SPTBN4: variants seen among roughly 807,000 people sequenced by gnomAD.
The protein encoded by SPTBN4 is spectrin beta chain, non-erythrocytic 4.
A neutral mutation model predicts 277.8 loss-of-function variants in SPTBN4; 96 were observed. That is an observed-to-expected ratio of 0.35 (90% CI 0.29 to 0.41). The LOEUF is 0.41. Among genes scored for constraint, SPTBN4 ranks in the 10% least tolerant of loss-of-function variants. SPTBN4 has a pLI of 1.00. For missense variants in SPTBN4, 3,006 were observed against 3,595.7 expected (o/e 0.84, Z 4.19); for synonymous variants, 1,481 against 1,580.3 (o/e 0.94, Z 1.49).
intron 21 of SPTBN4, among the ~76,000 whole-genome samples, 171 bp from the exon 22 acceptor site, chr19:40,550,067 T>C (rs541904103): frequency 2.2e-4 from 33 of 151,688 alleles, no homozygotes; most frequent in Non-Finnish European, 3.5e-4. Context: ...GCCTGGGGAT[T>C]CGATCCCATC....
chr19:40,575,436 C>A lies in SPTBN4; in HGVS notation c.7562C>A (p.Ala2521Asp), dbSNP rs1461233891. ...DEEEMNGWLE[A>D]VASSVAEHAE... is the part of the protein sequence containing the mutation. Reference sequence around the variant, plus strand: ...GAGGAGATGAACGGCTGGCTGGAGGCTGTAGCTTCCTCGGTGGCGGAACAC... The same window carrying A: ...GAGGAGATGAACGGCTGGCTGGAGGATGTAGCTTCCTCGGTGGCGGAACAC... The change falls in exon 36 of 36, where the codon GCT (alanine) becomes GAT (aspartate). Residue 2521 changes from alanine (A) to aspartate (D), a missense_variant. By Grantham distance (126) the Ala-to-Asp change is moderately radical (BLOSUM62 -2). Transcript: ENST00000598249. 1.9e-6 allele frequency: 3 copies of A among 1,613,374 alleles called. No individual in the cohort carries two copies. In the East Asian group the frequency reaches 6.7e-5, roughly 36 times the overall value.
chr19:40,521,632 C>T (rs570399917), intron 16 of SPTBN4, among the ~76,000 whole-genome samples: 1 of 152,310 alleles, frequency 6.6e-6, no homozygotes, highest in Admixed American at 6.5e-5. Flanking sequence ...GTAATGCTCA[C>T]TCGCCCCCCC....
At position 40,523,447 on chromosome 19, in the gene SPTBN4, T is replaced by C. The variant is rs751820789; in HGVS notation, c.3665T>C (p.Leu1222Pro). The change falls in exon 17 of 36, where the codon CTG (leucine) becomes CCG (proline). Residue 1222 changes from leucine to proline, a missense_variant. By Grantham distance (98) the Leu-to-Pro change is moderately conservative. Transcript: ENST00000598249. ...LVVLRNQEMA[L>P]SGAELPGTVE... The stretch of plus-strand genomic sequence containing the variant: ...CTCCCTCCTCCCCAGGAGATGGCGC[T>C]GTCTGGTGCGGAGCTCCCGGGCACA... The C allele has an allele frequency of 5.6e-6, 9 of 1,606,292 alleles. 1 individual carries two copies. The South Asian group carries it at 1.0e-4, about 18-fold the overall frequency.
At chr19:40,545,423 A>G (rs1184725277) in intron 20 of SPTBN4, among the ~76,000 whole-genome samples, 1 of 152,110 alleles carries the variant, frequency 6.6e-6, no homozygotes, top group Non-Finnish European at 1.5e-5. Context: ...TTATATTACT[A>G]GAAATGCAAG....
Position 40,490,120 on chromosome 19 carries a change from G to GT in SPTBN4, c.368dup (p.Asp124GlyfsTer21). ...CATGCGGATCCACTCACTGGAGAACGTGGACAAGGCGCTGCAGTTTCTGAA... is the reference window on the plus strand; with the variant it reads ...CATGCGGATCCACTCACTGGAGAACGTTGGACAAGGCGCTGCAGTTTCTGAA... On this transcript the variant is annotated frameshift_variant, in exon 4 of 36. Coordinates refer to ENST00000598249, the MANE Select transcript of SPTBN4 (RefSeq NM_020971.3). LOFTEE classifies it high-confidence loss of function. The surrounding 1 kb of genome is among the most constrained non-coding windows in gnomAD (Gnocchi z 4.3). 1 of 1,613,954 alleles carries GT rather than the reference G, an allele frequency of 6.2e-7. No individual in the cohort carries two copies. The highest frequency in any genetic ancestry group is 1.3e-5 in the African/African-American group (1 of 75,068).
At chr19:40,489,760 A>T (rs961965706) in intron 3 of SPTBN4, among the ~76,000 whole-genome samples, 1 of 148,096 alleles carries the variant, frequency 6.8e-6, no homozygotes, top group Non-Finnish European at 1.5e-5. Flanking sequence ...ACTATGGGCT[A>T]GGAGGGCGGG....
chr19:40,550,108 G>A, intron 21 of SPTBN4, 130 bp from the exon 22 acceptor site: 1 of 656,144 alleles, frequency 1.5e-6, no homozygotes, highest in Non-Finnish European at 2.6e-6. Flanking sequence ...AAAAATGGAG[G>A]AGGCTGAATA....
In SPTBN4 at chr19:40,529,053, C is replaced by G. The variant is rs1263100932; in HGVS notation, c.3870C>G (p.Asn1290Lys). ...VTRLLEKNQE[N>K]QLRAQQWMQK... ...TCCCCATCCCCAGGAACCAAGAAAACCAGTTACGGGCCCAGCAATGGATGC... is the reference window on the plus strand; with the variant it reads ...TCCCCATCCCCAGGAACCAAGAAAAGCAGTTACGGGCCCAGCAATGGATGC... The change falls in exon 18 of 36, where the codon AAC becomes AAG. Residue 1290 changes from asparagine to lysine, a missense_variant. Asn to Lys is a moderately conservative substitution (Grantham distance 94). Coordinates refer to ENST00000598249, the MANE Select transcript of SPTBN4 (RefSeq NM_020971.3). The G allele has an allele frequency of 1.9e-6, 3 of 1,614,018 alleles. No homozygotes were observed. The highest frequency in any genetic ancestry group is 1.3e-5 in the African/African-American group (1 of 75,060).
At chr19:40,522,359 T>C (rs2080537612) in intron 16 of SPTBN4, among the ~76,000 whole-genome samples, 1 of 147,908 alleles carries the variant, frequency 6.8e-6, no homozygotes, top group Admixed American at 6.8e-5. Flanking sequence ...TTTTTTTTTT[T>C]TTTTTTTTTG....
intron 5 of SPTBN4, among the ~76,000 whole-genome samples, chr19:40,493,468 G>T (rs957366569): frequency 6.6e-6 from 1 of 152,232 alleles, no homozygotes; most frequent in Non-Finnish European, 1.5e-5. Context: ...TTGGGAGAAT[G>T]AGGCTAGGAC....
At chr19:40,574,478 C>T (rs1568384602) in intron 35 of SPTBN4, among the ~76,000 whole-genome samples, 2 of 151,760 alleles carry the variant, frequency 1.3e-5, no homozygotes, top group East Asian at 4.0e-4. Flanking sequence ...TCTCCTGCCT[C>T]AGCTACCTGG....
Position 40,556,244 on chromosome 19 carries a change from G to C in SPTBN4, c.5245G>C (p.Val1749Leu). 1 of 1,613,590 alleles carries C rather than the reference G, an allele frequency of 6.2e-7. No individual in the cohort carries two copies. The highest frequency in any genetic ancestry group is 1.1e-5 in the South Asian group (1 of 91,058). ...GCACTGGATTGCCGAGAAGGAGGTGGTGGCTGGCTCACCCGAGCTCGGCCA... is the reference window on the plus strand; with the variant it reads ...GCACTGGATTGCCGAGAAGGAGGTGCTGGCTGGCTCACCCGAGCTCGGCCA... ...LEHWIAEKEV[V>L]AGSPELGQDF... The change falls in exon 25 of 36, where the codon GTG (valine) becomes CTG (leucine). Residue 1749 changes from valine to leucine, a missense_variant. Coordinates refer to ENST00000598249, the MANE Select transcript of SPTBN4 (RefSeq NM_020971.3).
chr19:40,573,321 A>G (rs552753829), intron 35 of SPTBN4, among the ~76,000 whole-genome samples: 1 of 152,044 alleles, frequency 6.6e-6, no homozygotes, highest in East Asian at 1.9e-4. Flanking sequence ...CAAAAACAAG[A>G]GGGGGTGGGT....
intron 2 of SPTBN4, among the ~76,000 whole-genome samples, chr19:40,487,345 ACT>A (rs201912461): frequency 2.0e-4 from 26 of 132,010 alleles, no homozygotes; most frequent in Non-Finnish European, 3.6e-4. Context: ...CAGCCGACTC[ACT>A]CTTTTTTTTT....
intron 21 of SPTBN4, 131 bp from the exon 22 acceptor site, chr19:40,550,107 G>A: frequency 1.5e-6 from 1 of 652,328 alleles, no homozygotes; most frequent in Non-Finnish European, 2.6e-6. Context: ...AAAAAATGGA[G>A]GAGGCTGAAT....
At chr19:40,546,821 G>A (rs532091969) in intron 20 of SPTBN4, among the ~76,000 whole-genome samples, 126 of 152,156 alleles carry the variant, frequency 8.3e-4, no homozygotes, top group Non-Finnish European at 1.5e-3. Flanking sequence ...CAACCTGGAT[G>A]ACAGAGCAAG....
rs1254642669 is a variant in SPTBN4, at chr19:40,565,489, G to A, written c.5982G>A (p.Arg1994=). Residue 1994 remains arginine (R), a synonymous_variant, in exon 28 of 36, where the codon CGG becomes CGA. Transcript: ENST00000598249. ...HQGLKTELEA[R]VPELTTCQEL... ...GCCTGAAGACTGAGCTGGAGGCGCG[G>A]GTGCCTGAGCTGACCACCTGCCAGG... 1.2e-6 allele frequency: 2 copies of A among 1,613,976 alleles called. No individual in the cohort carries two copies. The highest frequency in any genetic ancestry group is 1.7e-6 in the Non-Finnish European group (2 of 1,180,022).
chr19:40,530,704 C>T (rs1212886035), intron 18 of SPTBN4: 44 of 439,832 alleles, frequency 1.0e-4, no homozygotes, highest in African/African-American at 3.5e-4. Context: ...GGCGGGGCGG[C>T]GCGGGGGCGG....
At chr19:40,478,970 T>A (rs986094693) in intron 2 of SPTBN4, among the ~76,000 whole-genome samples, 4 of 152,192 alleles carry the variant, frequency 2.6e-5, no homozygotes, top group Non-Finnish European at 4.4e-5. Flanking sequence ...CCAGTAACAT[T>A]CAGCTTAATA....
Sources: gnomAD v4.1 joint callset for allele counts (sites outside exome capture counted in the v4.1 genomes callset) on GRCh38, gnomAD v4.1.1 for gene constraint, Gnocchi (gnomAD v3.1) non-coding constraint, MANE v1.5 for transcripts, NCBI Gene and HGNC (gene_info 2026-07-23, HGNC 2026-07-21) for gene names.